The following ABHD12 variants were observed in gnomAD, a reference collection of about 807,000 sequenced individuals.
ABHD12 encodes abhydrolase domain containing 12, lysophospholipase, also known as lysophosphatidylserine lipase ABHD12.
ABHD12 carries 43 observed loss-of-function variants against 58.3 expected under a neutral mutation model. The observed-to-expected ratio is 0.74, with a 90% CI of 0.58 to 0.95. ABHD12 has a LOEUF of 0.95. ABHD12 is among the 40% of genes least tolerant of loss of function. The probability of loss-of-function intolerance (pLI) is 0.00; values close to 1 mark genes in which losing one functional copy is unlikely to be tolerated. For synonymous variants in ABHD12, 219 were observed against 211.2 expected (o/e 1.04, Z -0.32); for missense variants, 539 against 537.2 (o/e 1.00, Z -0.03).
chr20:25,338,786 T>C, intron 2 of ABHD12: 1 of 994,392 alleles, frequency 1.0e-6, no homozygotes, highest in Non-Finnish European at 1.2e-6. Flanking sequence ...GTGGTCATCT[T>C]TTCCAAGGGC....
At chr20:25,361,308 T>G (rs2146086676) in intron 1 of ABHD12, among the ~76,000 whole-genome samples, 1 of 152,370 alleles carries the variant, frequency 6.6e-6, no homozygotes, top group Middle Eastern at 3.4e-3. Flanking sequence ...TATTGTATGT[T>G]CTCATCTAAA....
chr20:25,322,381 A>ATATATATATATATTT lies in ABHD12; in HGVS notation c.422+943_422+944insAAATATATATATATA. On this transcript the variant is annotated intron_variant, in intron 3 of 12. Transcript: ENST00000339157. ...GGAAAAGATATATATATATATATAT[A>ATATATATATATATTT]TTTTTTTTTTTTTTTGAGACAAGAG... Among the ~76,000 whole-genome samples, 402 of 59,196 alleles carry ATATATATATATATTT rather than the reference A, an allele frequency of 6.8e-3. 15 individuals carry two copies. The highest frequency in any genetic ancestry group is 0.032 in the African/African-American group (388 of 12,036). 38.8% of individuals were successfully genotyped at this position (59,196 alleles called of 152,430 possible). A position where few individuals can be genotyped will look rare whatever the true frequency, so the allele number is the denominator to read the frequency against.
Position 25,320,179 on chromosome 20 carries a change from G to C in ABHD12, c.542+20C>G, listed in dbSNP as rs371653414. The C allele has an allele frequency of 2.0e-5, 32 of 1,613,474 alleles. No individual in the cohort carries two copies. Among genetic ancestry groups the C allele is most frequent in the Non-Finnish European group, 2.6e-5 (31 of 1,179,952 alleles). On this transcript the variant is annotated intron_variant, in intron 4 of 12. Transcript: ENST00000339157. ...AGGAGCCATGCTCCACAGCAAAGAT[G>C]ATGGGCTCCTCTCCCTCACCTGGTA...
chr20:25,322,540 C>A (rs1181594049), intron 3 of ABHD12, among the ~76,000 whole-genome samples: 1 of 149,454 alleles, frequency 6.7e-6, no homozygotes. Context: ...CCACCATGCC[C>A]AGCTAATTTT....
chr20:25,383,633 A>C (rs945428052), intron 1 of ABHD12, among the ~76,000 whole-genome samples: 1 of 152,202 alleles, frequency 6.6e-6, no homozygotes, highest in Non-Finnish European at 1.5e-5. Context: ...AGCCTGGCCA[A>C]TATGGTGAAA....
At chr20:25,320,674 G>A (rs1191040335) in intron 3 of ABHD12, among the ~76,000 whole-genome samples, 5 of 152,206 alleles carry the variant, frequency 3.3e-5, no homozygotes, top group East Asian at 1.9e-4. Flanking sequence ...TTCCTCATAC[G>A]TGCCCCACAT....
intron 2 of ABHD12, among the ~76,000 whole-genome samples, chr20:25,329,795 C>T (rs960093650): frequency 7.2e-5 from 11 of 152,086 alleles, no homozygotes; most frequent in African/African-American, 2.4e-4. Context: ...TGGGTTTTAT[C>T]AAATTCCAAT....
intron 1 of ABHD12, among the ~76,000 whole-genome samples, chr20:25,372,492 A>C (rs1325391173): frequency 5.3e-5 from 8 of 152,218 alleles, no homozygotes; most frequent in Admixed American, 4.6e-4. Context: ...GGCGTGAGCC[A>C]CCACACCTGG....
rs2090164574 is a variant in ABHD12 at position 25,390,686 on chromosome 20, C to T, written c.18G>A (p.Glu6=). 1.4e-6 allele frequency: 2 copies of T among 1,414,708 alleles called. No homozygotes were observed. Among genetic ancestry groups the T allele is most frequent in the Non-Finnish European group, 1.8e-6 (2 of 1,084,358 alleles). 87.6% of individuals were successfully genotyped at this position (1,414,708 alleles called of 1,614,324 possible). A position where few individuals can be genotyped will look rare whatever the true frequency, so the allele number is the denominator to read the frequency against. Residue 6 remains glutamate (E), a synonymous_variant, in exon 1 of 13, where the codon GAG becomes GAA. Coordinates refer to ENST00000339157, the MANE Select transcript of ABHD12 (RefSeq NM_001042472.3). ...AGCGCTCATGCTCCAAGGCGACGGG[C>T]TCGGTCCGCTTCCTCATCCCGCGGC... MRKRT[E]PVALEHERCA...
At chr20:25,298,625 TAAG>T (rs1311272437), downstream of ABHD12, among the ~76,000 whole-genome samples, 4 of 152,204 alleles carry the variant, frequency 2.6e-5, no homozygotes, top group Admixed American at 2.0e-4. Flanking sequence ...TATCTGGGGA[TAAG>T]AAACACACAC....
At chr20:25,332,640 G>A (rs1002658909) in intron 2 of ABHD12, among the ~76,000 whole-genome samples, 5 of 150,808 alleles carry the variant, frequency 3.3e-5, no homozygotes, top group African/African-American at 1.2e-4. Context: ...CTAGAACTCA[G>A]GATTAAGAAA....
chr20:25,318,508 G>A (rs1388851531), intron 4 of ABHD12, among the ~76,000 whole-genome samples: 1 of 152,148 alleles, frequency 6.6e-6, no homozygotes, highest in Non-Finnish European at 1.5e-5. Context: ...GGATCCCGCA[G>A]ACCAGCGAAA....
rs4386391 is a variant in ABHD12 at position 25,323,435 on chromosome 20, A to G, written c.317-5T>C. ...CAATGAAATAGGGAACTCTTACTGTAGGAAATAAAGAGATGGAAATTAGGA... is the reference window on the plus strand; with the variant it reads ...CAATGAAATAGGGAACTCTTACTGTGGGAAATAAAGAGATGGAAATTAGGA... On this transcript the variant is annotated splice_region_variant and splice_polypyrimidine_tract_variant and intron_variant, in intron 2 of 12. Coordinates refer to ENST00000339157, the MANE Select transcript of ABHD12 (RefSeq NM_001042472.3). 1.6e-5 allele frequency: 25 copies of G among 1,563,470 alleles called. No individual in the cohort carries two copies. The Middle Eastern group carries it at 1.7e-3, about 105-fold the overall frequency.
intron 1 of ABHD12, chr20:25,339,677 T>C (rs759656699): frequency 1.4e-6 from 2 of 1,383,012 alleles, no homozygotes; most frequent in Non-Finnish European, 1.9e-6. Context: ...CCACCTGACA[T>C]CAGACCCCAG....
downstream of ABHD12, chr20:25,296,787 C>T: frequency 2.1e-6 from 1 of 466,110 alleles, no homozygotes; most frequent in Non-Finnish European, 3.8e-6. Flanking sequence ...AGCACCTGCC[C>T]CACCCAGAGT....
At chr20:25,388,236 G>C (rs2090120765) in intron 1 of ABHD12, among the ~76,000 whole-genome samples, 1 of 152,030 alleles carries the variant, frequency 6.6e-6, no homozygotes, top group Non-Finnish European at 1.5e-5. Flanking sequence ...TCCAAAGAAG[G>C]ATCATAAAAG....
chr20:25,385,616 T>G (rs367875994), intron 1 of ABHD12, among the ~76,000 whole-genome samples: 1 of 151,598 alleles, frequency 6.6e-6, no homozygotes, highest in African/African-American at 2.4e-5. Flanking sequence ...GGGACAGAGG[T>G]GGAAGGACTG....
intron 1 of ABHD12, among the ~76,000 whole-genome samples, chr20:25,358,783 C>T (rs964176467): frequency 6.6e-6 from 1 of 152,158 alleles, no homozygotes; most frequent in Non-Finnish European, 1.5e-5. Context: ...GGTCAGACAG[C>T]ACTGTGCCAC....
chr20:25,358,444 T>C (rs986996543), intron 1 of ABHD12, among the ~76,000 whole-genome samples: 1 of 152,212 alleles, frequency 6.6e-6, no homozygotes, highest in Non-Finnish European at 1.5e-5. Flanking sequence ...CCACCAACTG[T>C]TGGTCTATCC....
Sources: allele counts gnomAD v4.1 joint callset (sites outside exome capture counted in the v4.1 genomes callset), GRCh38; gene constraint gnomAD v4.1.1; transcripts MANE v1.5; gene names NCBI Gene and HGNC (gene_info 2026-07-23, HGNC 2026-07-21).